KCNU1: variants seen among roughly 807,000 people sequenced by gnomAD.
KCNU1 encodes the protein potassium channel subfamily U member 1.
Under a neutral mutation model 126.8 loss-of-function variants are expected in KCNU1, and 93 were observed. The ratio of observed to expected loss-of-function variants is 0.73; its 90% CI spans 0.62 to 0.87. KCNU1 has a LOEUF of 0.87. Ranked by LOEUF, KCNU1 falls within the 40% of genes least tolerant of loss-of-function variation. The pLI, the probability that KCNU1 is intolerant of heterozygous loss-of-function variation, is 0.00. For synonymous variants in KCNU1, 523 were observed against 494.2 expected, an observed-to-expected ratio of 1.06 and a Z score of -0.77; for missense variants, 1,330 against 1,367.1, an observed-to-expected ratio of 0.97 and a Z score of 0.43.
chr8:36,905,460 C>CAAA (rs200274541), intron 19 of KCNU1, among the ~76,000 whole-genome samples: 43 of 145,350 alleles, frequency 3.0e-4, no homozygotes, highest in East Asian at 1.8e-3. Context: ...TAATCTAAGG[C>CAAA]AAAAAAAAAA....
At chr8:36,863,811 A>G (rs1056288014) in intron 18 of KCNU1, among the ~76,000 whole-genome samples, 2 of 152,180 alleles carry the variant, frequency 1.3e-5, no homozygotes, top group Non-Finnish European at 2.9e-5. Flanking sequence ...ATGTATCCTT[A>G]TAATCACCCT....
chr8:36,894,667 C>T (rs1044267289), intron 19 of KCNU1, among the ~76,000 whole-genome samples: 7 of 151,948 alleles, frequency 4.6e-5, no homozygotes, highest in African/African-American at 1.7e-4. Context: ...TCTGAAGTAC[C>T]TAAATGGCCT....
rs759045260 is a variant in KCNU1, at chr8:36,840,976, A to G, written c.1676A>G (p.Tyr559Cys). 12 of 1,610,950 alleles carry G rather than the reference A, an allele frequency of 7.4e-6. No homozygotes were observed. The highest frequency in any genetic ancestry group is 1.7e-5 in the Admixed American group (1 of 59,864). ...KMHLLLIAIE[Y>C]KSLFTDGFCG... ...CACCTCCTGTTGATAGCCATCGAAT[A>G]CAAGTCCCTCTTTACGGATGGTTTC... is the stretch of plus-strand genomic sequence containing the variant. Residue 559 changes from tyrosine to cysteine, a missense_variant, in exon 16 of 27, where the codon TAC becomes TGC. Physicochemically the swap from Tyr to Cys is radical, Grantham distance 194. Coordinates refer to ENST00000399881, the MANE Select transcript of KCNU1 (RefSeq NM_001031836.3).
Position 36,815,633 on chromosome 8 carries a change from T to A in KCNU1, c.941T>A (p.Leu314Gln), listed in dbSNP as rs200479222. 7.5e-5 allele frequency: 120 copies of A among 1,597,096 alleles called. No individual in the cohort carries two copies. Among genetic ancestry groups the A allele is most frequent in the Middle Eastern group, 1.7e-4 (1 of 5,944 alleles). ...AACTATATACCTGAAATGGTGGAAC[T>A]GTTTGCTAACAAGAGGAAATACACC... is the stretch of plus-strand genomic sequence containing the variant. ...FANYIPEMVE[L>Q]FANKRKYTSS... Residue 314 changes from leucine to glutamine, a missense_variant, in exon 9 of 27, where the codon CTG becomes CAG. By Grantham distance (113) the Leu-to-Gln change is moderately radical (BLOSUM62 -2). Coordinates refer to ENST00000399881, the MANE Select transcript of KCNU1 (RefSeq NM_001031836.3).
chr8:36,813,458 A>G (rs1803795342), intron 7 of KCNU1, among the ~76,000 whole-genome samples: 1 of 151,394 alleles, frequency 6.6e-6, no homozygotes, highest in Non-Finnish European at 1.5e-5. Context: ...AAAGAAATAA[A>G]TATTTTATTA....
chr8:36,850,133 A>T (rs2117284958), intron 18 of KCNU1, among the ~76,000 whole-genome samples: 1 of 152,274 alleles, frequency 6.6e-6, no homozygotes, highest in East Asian at 1.9e-4. Context: ...ATATCTACTT[A>T]GATCCTATTT....
At chr8:36,860,332 C>A (rs1229042300) in intron 18 of KCNU1, among the ~76,000 whole-genome samples, 1 of 152,160 alleles carries the variant, frequency 6.6e-6, no homozygotes, top group East Asian at 1.9e-4. Context: ...CCACCTCAGC[C>A]TCCCAAAATG....
In KCNU1 at chr8:36,847,124, CTA is replaced by C. The variant is rs1394225326; in HGVS notation, c.1891+1227_1891+1228del. 2.6e-5 allele frequency among the ~76,000 whole-genome samples: 4 copies of C among 152,304 alleles called. No homozygotes were observed. In the East Asian group the frequency reaches 5.8e-4, roughly 22 times the overall value. On this transcript the variant is annotated intron_variant, in intron 18 of 26. Coordinates refer to ENST00000399881, the MANE Select transcript of KCNU1 (RefSeq NM_001031836.3). ...GCTCCTCCTGGCTTTGGGTCAGGCT[CTA>C]TCATTTGTTACTGAAATCCATTCTC...
chr8:36,830,671 G>C (rs1374530240), intron 10 of KCNU1, among the ~76,000 whole-genome samples: 2 of 151,850 alleles, frequency 1.3e-5, no homozygotes, highest in African/African-American at 4.8e-5. Flanking sequence ...CATTTTATTT[G>C]AGGGGTGTGT....
At chr8:36,873,119 A>G (rs1222776479) in intron 19 of KCNU1, among the ~76,000 whole-genome samples, 2 of 152,098 alleles carry the variant, frequency 1.3e-5, no homozygotes, top group Non-Finnish European at 2.9e-5. Flanking sequence ...AAAAACCCCA[A>G]CAATTTACAT....
intron 2 of KCNU1, among the ~76,000 whole-genome samples, chr8:36,797,723 G>GT (rs1321736057): frequency 6.6e-6 from 1 of 151,524 alleles, no homozygotes; most frequent in African/African-American, 2.4e-5. Flanking sequence ...GTCCAAAAAA[G>GT]TTTTTTTCTT....
At chr8:36,892,847 T>G (rs995629166) in intron 19 of KCNU1, among the ~76,000 whole-genome samples, 12 of 151,736 alleles carry the variant, frequency 7.9e-5, no homozygotes, top group Non-Finnish European at 1.5e-4. Context: ...ATACCTCAGG[T>G]TTTTTTTCCC....
intron 24 of KCNU1, among the ~76,000 whole-genome samples, chr8:36,927,508 G>T (rs1808570813): frequency 6.6e-6 from 1 of 152,088 alleles, no homozygotes; most frequent in South Asian, 2.1e-4. Context: ...TTACTTCTAA[G>T]GAAATTCAAG....
At chr8:36,886,166 A>G (rs1042927406) in intron 19 of KCNU1, among the ~76,000 whole-genome samples, 3 of 152,220 alleles carry the variant, frequency 2.0e-5, no homozygotes, top group Non-Finnish European at 4.4e-5. Context: ...CAAAGACAAC[A>G]AAGTAGACAA....
chr8:36,808,145 C>T (rs554771831), intron 6 of KCNU1, among the ~76,000 whole-genome samples: 1 of 152,216 alleles, frequency 6.6e-6, no homozygotes, highest in African/African-American at 2.4e-5. Flanking sequence ...GACGGGTGGT[C>T]CTGCCTGAAA....
At chr8:36,882,937 C>A (rs1293154178) in intron 19 of KCNU1, among the ~76,000 whole-genome samples, 1 of 152,196 alleles carries the variant, frequency 6.6e-6, no homozygotes, top group Non-Finnish European at 1.5e-5. Context: ...ATGCATTTCT[C>A]TTTTTTCTTT....
intron 14 of KCNU1, among the ~76,000 whole-genome samples, chr8:36,837,926 G>T (rs1804813927): frequency 6.6e-6 from 1 of 151,912 alleles, no homozygotes; most frequent in Non-Finnish European, 1.5e-5. Flanking sequence ...TCTTTTTTCT[G>T]TGTTCAGTAC....
chr8:36,910,392 T>A (rs1023175288), intron 21 of KCNU1, among the ~76,000 whole-genome samples: 1 of 152,108 alleles, frequency 6.6e-6, no homozygotes, highest in Non-Finnish European at 1.5e-5. Flanking sequence ...GCAAATCTGA[T>A]CCAGCTAGTG....
chr8:36,911,422 G>A (rs1392075696), intron 22 of KCNU1, among the ~76,000 whole-genome samples: 2 of 152,090 alleles, frequency 1.3e-5, no homozygotes, highest in African/African-American at 4.8e-5. Context: ...TATGATCAGT[G>A]AACATAGCAT....
Sources: gnomAD v4.1 joint callset for allele counts (sites outside exome capture counted in the v4.1 genomes callset) on GRCh38, gnomAD v4.1.1 for gene constraint, MANE v1.5 for transcripts, NCBI Gene and HGNC (gene_info 2026-07-23, HGNC 2026-07-21) for gene names.